The following CFDP1 variants were observed in gnomAD, a reference collection of about 807,000 sequenced individuals.
The protein encoded by CFDP1 is heterochromatin-stabilizing protein CFDP1.
In CFDP1, 31 loss-of-function variants were observed where a neutral mutation model predicts 40.1. The observed-to-expected ratio is 0.77, with a 90% CI of 0.58 to 1.04. CFDP1 has a LOEUF of 1.04. CFDP1 is among the 50% of genes least tolerant of loss of function. CFDP1 has a pLI of 0.00. For synonymous variants in CFDP1, 167 were observed against 120.0 expected, an observed-to-expected ratio of 1.39 and a Z score of -2.56; for missense variants, 423 against 343.4, an observed-to-expected ratio of 1.23 and a Z score of -1.83.
At chr16:75,358,283 T>G (rs922781121) in intron 5 of CFDP1, among the ~76,000 whole-genome samples, 1 of 152,160 alleles carries the variant, frequency 6.6e-6, no homozygotes, top group Non-Finnish European at 1.5e-5. Flanking sequence ...AAACACAGTA[T>G]CTGTGAAGCA....
intron 5 of CFDP1, among the ~76,000 whole-genome samples, chr16:75,341,949 AAAG>A (rs2078530216): frequency 6.6e-6 from 1 of 152,198 alleles, no homozygotes; most frequent in African/African-American, 2.4e-5. Flanking sequence ...CTTTCCTGCA[AAAG>A]AAGCAGGTCC....
chr16:75,313,858 GT>G (rs2078309306), intron 5 of CFDP1, among the ~76,000 whole-genome samples: 1 of 152,076 alleles, frequency 6.6e-6, no homozygotes, highest in Admixed American at 6.5e-5. Flanking sequence ...TTCTTATAGA[GT>G]CAAATGAGTG....
In CFDP1 at chr16:75,321,761, A is replaced by G. The variant is rs543647221; in HGVS notation, c.651-16579T>C. On this transcript the variant is annotated intron_variant, in intron 5 of 6. Coordinates refer to ENST00000283882, the MANE Select transcript of CFDP1 (RefSeq NM_006324.3). ...TATATAAGCATCCAGAAGAAACAAC[A>G]CATCTCTCAGTTGGTATCTATCACA... The G allele has an allele frequency of 7.2e-5, 11 of 152,310 alleles. No individual in the cohort carries two copies. In the South Asian group the frequency reaches 2.3e-3, roughly 32 times the overall value. The allele number at this position is 152,310 out of a possible 1,614,324, so 9.4% of individuals were successfully genotyped here.
intron 1 of CFDP1, chr16:75,418,975 AT>A: frequency 3.5e-6 from 1 of 282,394 alleles, no homozygotes; most frequent in Non-Finnish European, 7.4e-6. Context: ...GCCTGTTTCT[AT>A]AAAAGATTTT....
chr16:75,341,630 C>G (rs2078527583), intron 5 of CFDP1, among the ~76,000 whole-genome samples: 1 of 150,854 alleles, frequency 6.6e-6, no homozygotes, highest in African/African-American at 2.4e-5. Flanking sequence ...GCTTCTTTGA[C>G]AGCAGAAGGT....
At chr16:75,403,849 G>A (rs1376162227) in intron 4 of CFDP1, among the ~76,000 whole-genome samples, 2 of 151,892 alleles carry the variant, frequency 1.3e-5, no homozygotes, top group Non-Finnish European at 2.9e-5. Context: ...ATTATTTATG[G>A]GGCCAGGCAT....
intron 5 of CFDP1, among the ~76,000 whole-genome samples, chr16:75,318,707 A>C (rs193213343): frequency 3.7e-4 from 56 of 152,262 alleles, no homozygotes; most frequent in African/African-American, 1.1e-3. Flanking sequence ...CCCGGCCGGC[A>C]TGCTTTCTTA....
At chr16:75,407,426 C>T (rs1167186163) in intron 4 of CFDP1, among the ~76,000 whole-genome samples, 1 of 151,658 alleles carries the variant, frequency 6.6e-6, no homozygotes, top group African/African-American at 2.4e-5. Flanking sequence ...CTTGTAATCC[C>T]AGCACTTTGG....
chr16:75,392,556 G>A (rs1026413628), intron 5 of CFDP1, among the ~76,000 whole-genome samples: 2 of 152,182 alleles, frequency 1.3e-5, no homozygotes, highest in African/African-American at 4.8e-5. Context: ...GGAGTGCAGT[G>A]GTGCAATCTC....
intron 4 of CFDP1, among the ~76,000 whole-genome samples, chr16:75,403,494 C>T (rs1467649300): frequency 1.3e-5 from 2 of 152,208 alleles, no homozygotes; most frequent in Non-Finnish European, 2.9e-5. Context: ...GCCGGGATTA[C>T]AGGCATGTGC....
rs2151586608 is a variant in CFDP1 at position 75,412,746 on chromosome 16, C to T, written c.191G>A (p.Arg64Lys). Residue 64 changes from arginine to lysine, a missense_variant, in exon 3 of 7, where the codon AGA (arginine) becomes AAA (lysine). Physicochemically the swap from Arg to Lys is conservative, Grantham distance 26 (BLOSUM62 2). Transcript: ENST00000283882. Reference sequence around the variant, plus strand: ...TTCTTCTAATGAGAGGCCACCTTGTCTTCTCTTCCTAATCACCAGCAGTCA... The same window carrying T: ...TTCTTCTAATGAGAGGCCACCTTGTTTTCTCTTCCTAATCACCAGCAGTCA... ...KAQSIPARKR[R>K]QGGLSLEEEE... is the part of the protein sequence containing the mutation. The T allele has an allele frequency of 1.2e-6, 2 of 1,612,876 alleles. No homozygotes were observed. The highest frequency in any genetic ancestry group is 2.2e-5 in the East Asian group (1 of 44,880).
rs148794693 is a variant in CFDP1, at chr16:75,323,825, T to C, written c.651-18643A>G. On this transcript the variant is annotated intron_variant, in intron 5 of 6. Transcript: ENST00000283882. ...ACTATACATACATAAAACAGTAACA[T>C]AGCTGTTTATTCTCTTTTATATGAC... is the stretch of plus-strand genomic sequence containing the variant. 5.8e-3 allele frequency among the ~76,000 whole-genome samples: 875 copies of C among 151,130 alleles called. 6 individuals are homozygous for C. The highest frequency in any genetic ancestry group is 0.02 in the African/African-American group (818 of 41,224).
At chr16:75,308,653 A>C (rs1480295064) in intron 5 of CFDP1, among the ~76,000 whole-genome samples, 1 of 152,156 alleles carries the variant, frequency 6.6e-6, no homozygotes. Context: ...TCTACACTGG[A>C]GATTTTAAGG....
At chr16:75,327,690 G>A (rs1415708089) in intron 5 of CFDP1, among the ~76,000 whole-genome samples, 2 of 152,058 alleles carry the variant, frequency 1.3e-5, no homozygotes, top group African/African-American at 4.8e-5. Context: ...GCTCAGTAGT[G>A]AACAATACTG....
intron 5 of CFDP1, among the ~76,000 whole-genome samples, chr16:75,346,012 G>A (rs1287538514): frequency 6.6e-6 from 1 of 152,196 alleles, no homozygotes; most frequent in Non-Finnish European, 1.5e-5. Context: ...CATGTGAAGT[G>A]AAAAAGAATT....
chr16:75,406,389 TAAATA>T (rs1256619739), intron 4 of CFDP1, among the ~76,000 whole-genome samples: 3 of 149,748 alleles, frequency 2.0e-5, no homozygotes, highest in Non-Finnish European at 3.0e-5. Context: ...AAAAATTAAA[TAAATA>T]AAATATTAAA....
chr16:75,429,583 G>T (rs1422339527), intron 1 of CFDP1, among the ~76,000 whole-genome samples: 1 of 152,172 alleles, frequency 6.6e-6, no homozygotes, highest in Non-Finnish European at 1.5e-5. Context: ...AACCCGGGAG[G>T]TGGAGGTTGC....
intron 5 of CFDP1, among the ~76,000 whole-genome samples, chr16:75,353,031 AC>A (rs1472388837): frequency 6.6e-6 from 1 of 152,142 alleles, no homozygotes; most frequent in Non-Finnish European, 1.5e-5. Context: ...AACCAGCAAA[AC>A]CCATGAGTAT....
At chr16:75,419,113 AAAT>A in intron 1 of CFDP1, 2 of 372,278 alleles carry the variant, frequency 5.4e-6, no homozygotes, top group South Asian at 4.0e-5. Context: ...CATAAAAAAT[AAAT>A]AATAATAAAA....
Sources: gnomAD v4.1 joint callset for allele counts (sites outside exome capture counted in the v4.1 genomes callset) on GRCh38, gnomAD v4.1.1 for gene constraint, MANE v1.5 for transcripts, NCBI Gene and HGNC (gene_info 2026-07-23, HGNC 2026-07-21) for gene names.